DTWD2: variants seen among roughly 807,000 people sequenced by gnomAD.
DTWD2 encodes DTW motif tRNA-uridine aminocarboxypropyltransferase 2, also known as tRNA-uridine aminocarboxypropyltransferase 2.
A neutral mutation model predicts 31.8 loss-of-function variants in DTWD2; 39 were observed. The observed-to-expected ratio is 1.22, with a 90% CI of 0.95 to 1.60. DTWD2 has a LOEUF of 1.60. Among genes scored for constraint, DTWD2 ranks in the 40% most tolerant of loss-of-function variants. The pLI is 0.00. For missense variants in DTWD2, 515 were observed against 381.5 expected, an observed-to-expected ratio of 1.35 and a Z score of -2.92; for synonymous variants, 180 against 142.8, an observed-to-expected ratio of 1.26 and a Z score of -1.86.
intron 4 of DTWD2, among the ~76,000 whole-genome samples, chr5:118,900,510 G>T (rs960296798): frequency 1.4e-4 from 21 of 151,966 alleles, no homozygotes; most frequent in African/African-American, 5.1e-4. Flanking sequence ...TCATTTTATA[G>T]AAAAAAATGT....
intron 1 of DTWD2, among the ~76,000 whole-genome samples, chr5:118,949,106 GA>G (rs58309734): frequency 0.04 from 6,054 of 152,238 alleles, 400 homozygotes; most frequent in African/African-American, 0.14. Flanking sequence ...ACAGATGTTG[GA>G]GGAGCAGAAG....
rs1157131476 is a variant in DTWD2, at chr5:118,837,068, A to G, written c.*3849T>C. 6.6e-6 allele frequency among the ~76,000 whole-genome samples: 1 copy of G among 152,214 alleles called. No homozygotes were observed. The highest frequency in any genetic ancestry group is 1.9e-4 in the East Asian group (1 of 5,200). ...TTAAAAACATGCTATGTAAGGATGT[A>G]TGAGTATTTGTATAAATAACAACAG... is the stretch of plus-strand genomic sequence containing the variant. On this transcript the variant is annotated 3_prime_UTR_variant, in exon 6 of 6. Coordinates refer to ENST00000510708, the MANE Select transcript of DTWD2 (RefSeq NM_173666.4).
intron 4 of DTWD2, among the ~76,000 whole-genome samples, chr5:118,896,497 A>G (rs750489127): frequency 1.3e-5 from 2 of 152,282 alleles, no homozygotes; most frequent in East Asian, 1.9e-4. Flanking sequence ...TCTTACAAAC[A>G]TAAGAGCCAA....
chr5:118,842,879 C>T (rs1406357380), intron 5 of DTWD2, among the ~76,000 whole-genome samples: 1 of 150,414 alleles, frequency 6.6e-6, no homozygotes, highest in African/African-American at 2.4e-5. Flanking sequence ...CCTGGGAGGT[C>T]AAGGCGGCAG....
At chr5:118,869,863 G>A (rs866276374) in intron 4 of DTWD2, among the ~76,000 whole-genome samples, 1 of 152,274 alleles carries the variant, frequency 6.6e-6, no homozygotes, top group South Asian at 2.1e-4. Context: ...AATGTTGGAG[G>A]TGGGGGCCTT....
intron 4 of DTWD2, among the ~76,000 whole-genome samples, chr5:118,920,367 T>C (rs921054043): frequency 1.3e-5 from 2 of 152,018 alleles, no homozygotes; most frequent in Admixed American, 1.3e-4. Context: ...AGTATTATTG[T>C]AGTATATATG....
chr5:118,967,732 C>T (rs1455637214), intron 1 of DTWD2, among the ~76,000 whole-genome samples: 4 of 152,142 alleles, frequency 2.6e-5, no homozygotes, highest in African/African-American at 4.8e-5. Context: ...AGACACAGCT[C>T]TTCCATATAG....
chr5:118,961,459 G>A (rs912172468), intron 1 of DTWD2, among the ~76,000 whole-genome samples: 1 of 151,844 alleles, frequency 6.6e-6, no homozygotes, highest in African/African-American at 2.4e-5. Flanking sequence ...TGTTCTAAAG[G>A]AAACAATTTC....
chr5:118,971,262 T>C (rs1386199805), intron 1 of DTWD2, among the ~76,000 whole-genome samples: 1 of 152,020 alleles, frequency 6.6e-6, no homozygotes, highest in Non-Finnish European at 1.5e-5. Context: ...AAGACACATA[T>C]AACCTCAAAA....
rs200735583 is a variant in DTWD2 at position 118,882,517 on chromosome 5, T to C, written c.598-34299A>G. 9.8e-5 allele frequency among the ~76,000 whole-genome samples: 15 copies of C among 152,384 alleles called. No individual in the cohort carries two copies. In the East Asian group the frequency reaches 2.5e-3, roughly 25 times the overall value. On this transcript the variant is annotated intron_variant, in intron 4 of 5. Transcript: ENST00000510708. ...CCAAACCCACATTTCCCTTCTGCAC[T>C]GCCTTAGCAGAGGTTCTCCATGAGG...
intron 1 of DTWD2, among the ~76,000 whole-genome samples, chr5:118,978,269 A>T (rs1755212404): frequency 6.6e-6 from 1 of 152,158 alleles, no homozygotes; most frequent in Non-Finnish European, 1.5e-5. Context: ...AACTAGAAAA[A>T]CCCTAGAAGA....
At chr5:118,863,859 A>G (rs933976292) in intron 4 of DTWD2, among the ~76,000 whole-genome samples, 2 of 152,090 alleles carry the variant, frequency 1.3e-5, no homozygotes, top group Non-Finnish European at 2.9e-5. Context: ...GCTCAAAAAC[A>G]GAGTACACAA....
intron 5 of DTWD2, among the ~76,000 whole-genome samples, chr5:118,845,371 T>G (rs756151527): frequency 1.8e-4 from 27 of 152,210 alleles, no homozygotes; most frequent in Non-Finnish European, 2.8e-4. Flanking sequence ...ACAAAGATGC[T>G]AATTTATTAT....
chr5:118,985,965 T>G (rs1391080674), intron 1 of DTWD2, among the ~76,000 whole-genome samples: 2 of 152,188 alleles, frequency 1.3e-5, no homozygotes, highest in Non-Finnish European at 2.9e-5. Context: ...GATCCTGATA[T>G]TCAGGAGAAC....
rs181362690 is a variant in DTWD2, at chr5:118,867,088, T to C, written c.598-18870A>G. Among the ~76,000 whole-genome samples the C allele has an allele frequency of 1.5e-4, 23 of 152,154 alleles. 1 individual carries two copies. The highest frequency in any genetic ancestry group is 5.5e-4 in the African/African-American group (23 of 41,518). ...GTAGTAATGACTAATTTACTAAATA[T>C]TCTACTAATCTACAAAAATACATTA... On this transcript the variant is annotated intron_variant, in intron 4 of 5. Transcript: ENST00000510708.
intron 4 of DTWD2, among the ~76,000 whole-genome samples, chr5:118,910,520 C>T (rs1004026696): frequency 6.6e-6 from 1 of 152,168 alleles, no homozygotes; most frequent in African/African-American, 2.4e-5. Context: ...CTGGGGCTTT[C>T]TCTGCAGTTA....
intron 1 of DTWD2, among the ~76,000 whole-genome samples, chr5:118,947,448 C>G (rs1361775140): frequency 6.6e-6 from 1 of 152,166 alleles, no homozygotes; most frequent in African/African-American, 2.4e-5. Flanking sequence ...CTGTCCCGAG[C>G]TGGACTCTCC....
At chr5:118,985,637 GACTCTT>G (rs1755411112) in intron 1 of DTWD2, among the ~76,000 whole-genome samples, 2 of 151,322 alleles carry the variant, frequency 1.3e-5, no homozygotes, top group Non-Finnish European at 2.9e-5. Flanking sequence ...TTTGCCTTCT[GACTCTT>G]ACTCCACGAC....
At chr5:118,953,912 A>G (rs1407841720) in intron 1 of DTWD2, among the ~76,000 whole-genome samples, 1 of 152,208 alleles carries the variant, frequency 6.6e-6, no homozygotes, top group Non-Finnish European at 1.5e-5. Flanking sequence ...CTGGTATCTT[A>G]TCCCAGATAT....
Sources: allele counts gnomAD v4.1 joint callset (sites outside exome capture counted in the v4.1 genomes callset), GRCh38; gene constraint gnomAD v4.1.1; transcripts MANE v1.5; gene names NCBI Gene and HGNC (gene_info 2026-07-23, HGNC 2026-07-21).